The following NKAIN2 variants were observed in gnomAD, a reference collection of about 807,000 sequenced individuals.
NKAIN2 encodes sodium/potassium-transporting ATPase subunit beta-1-interacting protein 2.
Under a neutral mutation model 32.6 loss-of-function variants are expected in NKAIN2, and 14 were observed. The observed-to-expected ratio is 0.43, with a 90% CI of 0.28 to 0.67. The LOEUF is 0.67. NKAIN2 is among the 30% of genes least tolerant of loss of function. The probability of loss-of-function intolerance (pLI) is 0.17; values close to 1 mark genes in which losing one functional copy is unlikely to be tolerated. For synonymous variants in NKAIN2, 80 were observed against 87.2 expected, an observed-to-expected ratio of 0.92 and a Z score of 0.46; for missense variants, 198 against 258.3, an observed-to-expected ratio of 0.77 and a Z score of 1.60.
intron 4 of NKAIN2, among the ~76,000 whole-genome samples, chr6:124,771,216 T>C (rs1440855729): frequency 2.6e-5 from 4 of 152,130 alleles, no homozygotes; most frequent in African/African-American, 7.2e-5. Context: ...ACAAAAAGTG[T>C]TGTGGATATG....
chr6:123,996,557 A>G (rs1231753440), intron 1 of NKAIN2, among the ~76,000 whole-genome samples: 1 of 152,158 alleles, frequency 6.6e-6, no homozygotes, highest in African/African-American at 2.4e-5. Flanking sequence ...AAGTTTGAGA[A>G]TAACATTTTA....
intron 1 of NKAIN2, among the ~76,000 whole-genome samples, chr6:123,912,282 A>G (rs1775253434): frequency 6.6e-6 from 1 of 151,970 alleles, no homozygotes; most frequent in African/African-American, 2.4e-5. Context: ...AAAATCTAAT[A>G]TGATAATTTA....
chr6:124,704,976 A>C (rs1774981596), intron 4 of NKAIN2, among the ~76,000 whole-genome samples: 1 of 152,194 alleles, frequency 6.6e-6, no homozygotes, highest in South Asian at 2.1e-4. Flanking sequence ...TGACCATAGG[A>C]AGAAATAATT....
intron 1 of NKAIN2, among the ~76,000 whole-genome samples, chr6:124,075,839 G>C (rs930000201): frequency 6.6e-6 from 1 of 152,124 alleles, no homozygotes; most frequent in Non-Finnish European, 1.5e-5. Context: ...CAAGTGATCT[G>C]CCTGTCTCAG....
intron 1 of NKAIN2, among the ~76,000 whole-genome samples, chr6:124,017,190 T>A (rs538603385): frequency 5.9e-5 from 9 of 152,122 alleles, no homozygotes; most frequent in Admixed American, 3.3e-4. Flanking sequence ...TATAAAATCA[T>A]TAGATCTAGT....
chr6:123,975,925 G>T lies in NKAIN2; in HGVS notation c.54+171671G>T, dbSNP rs144745739. ...GCTCACACAATTCCTACATGTCGCG[G>T]GAGGGACCCCGTGGGAGGTAATTGA... is the stretch of plus-strand genomic sequence containing the variant. On this transcript the variant is annotated intron_variant, in intron 1 of 6. Coordinates refer to ENST00000368417, the MANE Select transcript of NKAIN2 (RefSeq NM_001040214.3). Among the ~76,000 whole-genome samples, 586 of 152,022 alleles carry T rather than the reference G, an allele frequency of 3.9e-3. 3 individuals are homozygous for T. The highest frequency in any genetic ancestry group is 0.012 in the African/African-American group (506 of 41,458).
intron 4 of NKAIN2, among the ~76,000 whole-genome samples, chr6:124,775,411 T>G (rs1778945108): frequency 6.6e-6 from 1 of 152,192 alleles, no homozygotes; most frequent in Non-Finnish European, 1.5e-5. Context: ...ACTTAAGAAG[T>G]TGATACAGTA....
At chr6:123,883,671 A>T (rs1054718196) in intron 1 of NKAIN2, among the ~76,000 whole-genome samples, 1 of 141,796 alleles carries the variant, frequency 7.1e-6, no homozygotes, top group African/African-American at 2.7e-5. Context: ...AATTTTAAAA[A>T]ACCTCTTTAA....
chr6:124,428,553 G>A (rs1399093900), intron 3 of NKAIN2, among the ~76,000 whole-genome samples: 2 of 152,150 alleles, frequency 1.3e-5, no homozygotes, highest in African/African-American at 4.8e-5. Context: ...GTCAGTGAGG[G>A]CAGCCTAAGT....
At chr6:124,412,446 C>A (rs1487128958) in intron 3 of NKAIN2, among the ~76,000 whole-genome samples, 3 of 152,186 alleles carry the variant, frequency 2.0e-5, no homozygotes, top group Non-Finnish European at 2.9e-5. Flanking sequence ...CCACTCTAGA[C>A]CCTGTTTGCC....
At chr6:124,734,284 T>G (rs1776834392) in intron 4 of NKAIN2, among the ~76,000 whole-genome samples, 1 of 151,854 alleles carries the variant, frequency 6.6e-6, no homozygotes, top group Non-Finnish European at 1.5e-5. Flanking sequence ...CTATTTGCTG[T>G]TATCTCTGCT....
In NKAIN2 at chr6:123,854,006, C is replaced by T. The variant is rs183443261; in HGVS notation, c.54+49752C>T. Among the ~76,000 whole-genome samples, 703 of 152,210 alleles carry T rather than the reference C, an allele frequency of 4.6e-3. 4 individuals are homozygous for T. The highest frequency in any genetic ancestry group is 0.014 in the Admixed American group (218 of 15,288). ...CAGGCTGGTCTTGAACTCCTGACCT[C>T]AGGTGCTCCGCCTGCCTTGGCCTCC... On this transcript the variant is annotated intron_variant, in intron 1 of 6. Transcript: ENST00000368417.
At chr6:124,738,367 T>C (rs1479405765) in intron 4 of NKAIN2, among the ~76,000 whole-genome samples, 7 of 151,878 alleles carry the variant, frequency 4.6e-5, no homozygotes, top group African/African-American at 1.4e-4. Context: ...ATAATATAAT[T>C]TGTCTATGTC....
intron 1 of NKAIN2, among the ~76,000 whole-genome samples, chr6:124,096,927 G>A (rs1784670077): frequency 6.6e-6 from 1 of 151,740 alleles, no homozygotes. Flanking sequence ...CAACACCTAG[G>A]GTTCTTTCTC....
chr6:123,878,129 T>C (rs895705254), intron 1 of NKAIN2, among the ~76,000 whole-genome samples: 1 of 151,802 alleles, frequency 6.6e-6, no homozygotes, highest in East Asian at 1.9e-4. Context: ...AGTAGGCTGA[T>C]GCAGGAGAAT....
chr6:124,194,148 C>G (rs1042666557), intron 1 of NKAIN2, among the ~76,000 whole-genome samples: 9 of 151,804 alleles, frequency 5.9e-5, no homozygotes, highest in African/African-American at 2.2e-4. Flanking sequence ...CCACTCTGGT[C>G]AGCAAGACCA....
intron 1 of NKAIN2, among the ~76,000 whole-genome samples, chr6:124,050,608 C>T (rs960347963): frequency 1.3e-5 from 2 of 151,982 alleles, no homozygotes; most frequent in African/African-American, 4.8e-5. Flanking sequence ...TCCCGACTTA[C>T]CCCAATCCAT....
intron 1 of NKAIN2, among the ~76,000 whole-genome samples, chr6:124,159,341 A>G (rs899900639): frequency 3.9e-5 from 6 of 152,208 alleles, no homozygotes; most frequent in African/African-American, 9.6e-5. Flanking sequence ...GCGATGGGGT[A>G]TGGTAAAACC....
intron 1 of NKAIN2, among the ~76,000 whole-genome samples, chr6:124,013,715 G>T (rs1017379955): frequency 1.3e-5 from 2 of 152,178 alleles, no homozygotes; most frequent in Non-Finnish European, 2.9e-5. Context: ...GAGGGGGAAA[G>T]ATTATCCAGG....
Sources: gnomAD v4.1 joint callset for allele counts (sites outside exome capture counted in the v4.1 genomes callset) on GRCh38, gnomAD v4.1.1 for gene constraint, MANE v1.5 for transcripts, NCBI Gene and HGNC (gene_info 2026-07-23, HGNC 2026-07-21) for gene names.